The following CTNNA2 variants were observed in gnomAD, a reference collection of about 807,000 sequenced individuals.
The protein encoded by CTNNA2 is catenin alpha 2, also known as catenin alpha-2.
Under a neutral mutation model 101.0 loss-of-function variants are expected in CTNNA2, and 42 were observed. The ratio of observed to expected loss-of-function variants is 0.42; its 90% CI spans 0.32 to 0.54. The LOEUF is 0.54. Among genes scored for constraint, CTNNA2 ranks in the 20% least tolerant of loss-of-function variants. CTNNA2 has a pLI of 0.14. For synonymous variants in CTNNA2, 450 were observed against 456.4 expected, an observed-to-expected ratio of 0.99 and a Z score of 0.18; for missense variants, 871 against 1,223.1, an observed-to-expected ratio of 0.71 and a Z score of 4.29.
intron 4 of CTNNA2, among the ~76,000 whole-genome samples, chr2:79,859,699 A>G (rs1224027230): frequency 6.6e-6 from 1 of 151,996 alleles, no homozygotes. Context: ...AGGCTCTTGA[A>G]ATTGGATAAG....
At chr2:79,288,787 C>T (rs533741911) in intron 2 of CTNNA2, among the ~76,000 whole-genome samples, 17 of 152,150 alleles carry the variant, frequency 1.1e-4, no homozygotes, top group Non-Finnish European at 2.2e-4. Context: ...AAAACAATCA[C>T]AGGGTTTGCC....
At chr2:79,754,849 G>T in intron 3 of CTNNA2, among the ~76,000 whole-genome samples, 1 of 152,102 alleles carries the variant, frequency 6.6e-6, no homozygotes, top group African/African-American at 2.4e-5. Flanking sequence ...GGGGAGCGGA[G>T]GGGATGTTTC....
At chr2:79,726,464 C>T (rs551318022) in intron 2 of CTNNA2, among the ~76,000 whole-genome samples, 1 of 152,214 alleles carries the variant, frequency 6.6e-6, no homozygotes, top group South Asian at 2.1e-4. Context: ...ATTAGATTCT[C>T]ATACCAGCAC....
At chr2:80,228,586 C>T (rs1454716038) in intron 7 of CTNNA2, among the ~76,000 whole-genome samples, 3 of 152,158 alleles carry the variant, frequency 2.0e-5, no homozygotes, top group Non-Finnish European at 2.9e-5. Flanking sequence ...TGTCCCCTCT[C>T]CTTTAACTTC....
At chr2:79,587,950 A>G (rs909987918) in intron 1 of CTNNA2, among the ~76,000 whole-genome samples, 7 of 152,158 alleles carry the variant, frequency 4.6e-5, no homozygotes, top group African/African-American at 1.7e-4. Context: ...TTGATTTAAG[A>G]TCGTTTATCT....
intron 1 of CTNNA2, among the ~76,000 whole-genome samples, chr2:79,564,148 A>T (rs1279793517): frequency 3.3e-5 from 5 of 152,170 alleles, no homozygotes; most frequent in Admixed American, 3.3e-4. Flanking sequence ...GGGAGGTGAT[A>T]AAAACCGCAT....
intron 12 of CTNNA2, among the ~76,000 whole-genome samples, chr2:80,569,633 GTTTTTTTTTTT>G (rs70940088): frequency 1.9e-5 from 1 of 51,718 alleles, no homozygotes; most frequent in Non-Finnish European, 3.9e-5. Context: ...GGGTATTTAG[GTTTTTTTTTTT>G]TTTTTTTTTT....
intron 12 of CTNNA2, among the ~76,000 whole-genome samples, chr2:80,568,910 T>C (rs1694307569): frequency 1.3e-5 from 2 of 152,292 alleles, no homozygotes; most frequent in South Asian, 2.1e-4. Context: ...AGATAATAGA[T>C]GCTTTTTGTG....
At chr2:79,512,554 G>C (rs1467039144), upstream of CTNNA2, among the ~76,000 whole-genome samples, 1 of 151,568 alleles carries the variant, frequency 6.6e-6, no homozygotes, top group East Asian at 2.0e-4. Context: ...CCTACTCTGC[G>C]ACACCCCTAT....
At position 79,414,842 on chromosome 2, in the gene CTNNA2, A is replaced by C. The variant is rs903141799; in HGVS notation, c.-135+40829A>C. On this transcript the variant is annotated intron_variant, in intron 4 of 21. Coordinates refer to the CTNNA2 transcript ENST00000466387. Reference sequence around the variant, plus strand: ...AGGCCATCTTAGACCATCCAGCCCCAGCCAAGCCACCAGATGACTGTACCA... The same window carrying C: ...AGGCCATCTTAGACCATCCAGCCCCCGCCAAGCCACCAGATGACTGTACCA... 6.6e-5 allele frequency among the ~76,000 whole-genome samples: 10 copies of C among 152,172 alleles called. No individual in the cohort carries two copies. In the South Asian group the frequency reaches 1.9e-3, roughly 28 times the overall value.
At chr2:79,331,699 G>C (rs945702732) in intron 3 of CTNNA2, among the ~76,000 whole-genome samples, 1 of 152,094 alleles carries the variant, frequency 6.6e-6, no homozygotes, top group Non-Finnish European at 1.5e-5. Flanking sequence ...GCTGTCCTCA[G>C]CTTCTGCTAT....
chr2:79,639,260 A>T (rs749221163), intron 1 of CTNNA2, among the ~76,000 whole-genome samples: 3 of 152,206 alleles, frequency 2.0e-5, no homozygotes, highest in Non-Finnish European at 2.9e-5. Context: ...AATCAATATT[A>T]AGCATGTCTA....
chr2:79,289,284 G>A (rs928773230), intron 2 of CTNNA2, among the ~76,000 whole-genome samples: 1 of 152,054 alleles, frequency 6.6e-6, no homozygotes, highest in Middle Eastern at 3.2e-3. Flanking sequence ...TTTCTTTGGG[G>A]GTTGTTTTGT....
At chr2:80,551,045 C>G (rs1692516117) in intron 11 of CTNNA2, among the ~76,000 whole-genome samples, 1 of 152,128 alleles carries the variant, frequency 6.6e-6, no homozygotes, top group African/African-American at 2.4e-5. Flanking sequence ...CTTGATACAT[C>G]TGCTGCAGAA....
At chr2:79,981,643 G>A (rs1025787750) in intron 7 of CTNNA2, among the ~76,000 whole-genome samples, 1 of 152,086 alleles carries the variant, frequency 6.6e-6, no homozygotes, top group Non-Finnish European at 1.5e-5. Flanking sequence ...TGTAATTAAA[G>A]TCATTCTTAT....
intron 8 of CTNNA2, among the ~76,000 whole-genome samples, chr2:80,418,265 A>G (rs1242755265): frequency 2.6e-5 from 4 of 152,204 alleles, no homozygotes; most frequent in East Asian, 1.9e-4. Context: ...AAGAACTAGT[A>G]TAAGAATCAT....
In CTNNA2 at chr2:79,187,389, G is replaced by A. The variant is rs765571460; in HGVS notation, c.-524+1958G>A. 1.7e-4 allele frequency among the ~76,000 whole-genome samples: 26 copies of A among 150,658 alleles called. No individual in the cohort carries two copies. In the East Asian group the frequency reaches 3.2e-3, roughly 18 times the overall value. On this transcript the variant is annotated intron_variant, in intron 1 of 21. Coordinates refer to the CTNNA2 transcript ENST00000466387. ...GGTTCAAGCAATTCAGTGCAGTGGC[G>A]CAATCTCAGCTCAAGTGATTCTCCT...
intron 3 of CTNNA2, among the ~76,000 whole-genome samples, chr2:79,337,719 G>T (rs190688791): frequency 3.2e-4 from 49 of 152,084 alleles, no homozygotes; most frequent in African/African-American, 1.2e-3. Context: ...TTTACTGTCT[G>T]CTCTGCACTG....
intron 2 of CTNNA2, among the ~76,000 whole-genome samples, chr2:79,215,629 A>G (rs1674244969): frequency 6.6e-6 from 1 of 152,134 alleles, no homozygotes; most frequent in Non-Finnish European, 1.5e-5. Flanking sequence ...CAAACGAGTC[A>G]TGTACTGGGC....
Sources: allele counts gnomAD v4.1 joint callset (sites outside exome capture counted in the v4.1 genomes callset), GRCh38; gene constraint gnomAD v4.1.1; transcripts MANE v1.5; gene names NCBI Gene and HGNC (gene_info 2026-07-23, HGNC 2026-07-21).